The following TGDS variants were observed in gnomAD, a reference collection of about 807,000 sequenced individuals.
The protein encoded by TGDS is UDP-D-glucose 4,6-dehydratase.
Under a neutral mutation model 52.3 loss-of-function variants are expected in TGDS, and 47 were observed. The ratio of observed to expected loss-of-function variants is 0.90; its 90% confidence interval spans 0.71 to 1.15. The LOEUF (loss-of-function observed/expected upper bound fraction) is 1.15, where lower values mean the gene tolerates loss of function less well. TGDS is among the 50% of genes most tolerant of loss of function. TGDS has a pLI of 0.00. For missense variants in TGDS, 375 were observed against 418.4 expected, an observed-to-expected ratio of 0.90 and a Z score of 0.90; for synonymous variants, 115 against 136.9, an observed-to-expected ratio of 0.84 and a Z score of 1.12.
rs1243937396 is a variant in TGDS at position 94,579,912 on chromosome 13, T to A, written c.597A>T (p.Pro199=). The change falls in exon 7 of 12, where the codon CCA becomes CCT. Residue 199 remains proline, a synonymous_variant. Transcript: ENST00000261296. ...VITRSSNVYG[P]HQYPEKVIPK... is the part of the protein sequence containing the mutation. ...AATTTACCTTTTCTGGATATTGATG[T>A]GGTCCATAAACATTACTGCTTCTTG... 5.0e-6 allele frequency: 8 copies of A among 1,599,642 alleles called. No homozygotes were observed. In the African/African-American group the frequency reaches 1.1e-4, roughly 21 times the overall value.
Sources: allele counts gnomAD v4.1 joint callset, GRCh38; gene constraint gnomAD v4.1.1; transcripts MANE v1.5; gene names NCBI Gene and HGNC (gene_info 2026-07-23, HGNC 2026-07-21).